The following KAZN variants were observed in gnomAD, a reference collection of about 807,000 sequenced individuals.
KAZN encodes kazrin, periplakin interacting protein.
In KAZN, 40 loss-of-function variants were observed where a neutral mutation model predicts 87.4. The observed-to-expected ratio is 0.46, with a 90% CI of 0.36 to 0.60. The LOEUF (loss-of-function observed/expected upper bound fraction) is 0.60, where lower values mean the gene tolerates loss of function less well. Among genes scored for constraint, KAZN ranks in the 20% least tolerant of loss-of-function variants. The pLI is 0.00. For synonymous variants in KAZN, 466 were observed against 458.3 expected (o/e 1.02, Z -0.22); for missense variants, 898 against 1,073.9 (o/e 0.84, Z 2.29).
Position 14,945,776 on chromosome 1 carries a change from G to A in KAZN, c.227-14908G>A, listed in dbSNP as rs925234204. The A allele has an allele frequency of 1.4e-4, 80 of 571,612 alleles. 1 individual carries two copies. The South Asian group carries it at 3.8e-3, about 27-fold the overall frequency. 35.4% of individuals were successfully genotyped at this position (571,612 alleles called of 1,614,324 possible). On this transcript the variant is annotated intron_variant, in intron 1 of 14. Transcript: ENST00000376030. ...GTTATATGGATTTGTGAGCTGCCCC[G>A]CAGCACTTTCAAGCTCCACGGCCTC...
intron 1 of KAZN, among the ~76,000 whole-genome samples, chr1:13,901,407 G>A (rs746539772): frequency 8.5e-5 from 13 of 152,172 alleles, no homozygotes; most frequent in African/African-American, 2.2e-4. Context: ...GGGAAGAAGC[G>A]GATATTTGGT....
At chr1:14,757,011 GAAATTGTT>G (rs1644587062) in intron 1 of KAZN, among the ~76,000 whole-genome samples, 1 of 152,190 alleles carries the variant, frequency 6.6e-6, no homozygotes, top group Admixed American at 6.5e-5. Flanking sequence ...GCAAGAGGGA[GAAATTGTT>G]GCACATTGTC....
At chr1:14,399,739 C>A (rs899520658) in intron 2 of KAZN, among the ~76,000 whole-genome samples, 2 of 152,128 alleles carry the variant, frequency 1.3e-5, no homozygotes, top group African/African-American at 4.8e-5. Flanking sequence ...GAGATCAAAA[C>A]CCCTACCTGT....
intron 2 of KAZN, among the ~76,000 whole-genome samples, chr1:14,570,945 C>A (rs187975127): frequency 3.9e-5 from 6 of 152,258 alleles, no homozygotes; most frequent in Admixed American, 2.0e-4. Flanking sequence ...GAATCCTTAC[C>A]TACCTACCTG....
chr1:14,027,757 G>T (rs963727675), intron 1 of KAZN, among the ~76,000 whole-genome samples: 2 of 152,164 alleles, frequency 1.3e-5, no homozygotes, highest in African/African-American at 4.8e-5. Context: ...ACAATGACTT[G>T]TGTTTAATGT....
rs139287052 is a variant in KAZN at position 14,741,021 on chromosome 1, G to T, written c.226+141798G>T. On this transcript the variant is annotated intron_variant, in intron 1 of 14. Coordinates refer to ENST00000376030, the MANE Select transcript of KAZN (RefSeq NM_201628.3). ...GTGCTTTGAACATGCTTCTCTGGGG[G>T]TGCAGCCTCCAGGCAGCTGGGGCAG... Among the ~76,000 whole-genome samples the T allele has an allele frequency of 3.5e-3, 532 of 152,276 alleles. 1 individual carries two copies. The highest frequency in any genetic ancestry group is 0.012 in the African/African-American group (509 of 41,550).
intron 1 of KAZN, among the ~76,000 whole-genome samples, chr1:13,908,825 A>G (rs1468750871): frequency 3.9e-5 from 6 of 152,214 alleles, no homozygotes; most frequent in African/African-American, 1.4e-4. Context: ...ATCCACGGTG[A>G]CAAGACCTGT....
intron 1 of KAZN, among the ~76,000 whole-genome samples, chr1:14,825,965 G>A (rs1201177845): frequency 2.0e-5 from 3 of 152,174 alleles, no homozygotes; most frequent in Admixed American, 6.5e-5. Flanking sequence ...CAGTGAACAC[G>A]CTCTGAATTG....
At chr1:13,983,280 G>A (rs1455598558) in intron 1 of KAZN, among the ~76,000 whole-genome samples, 1 of 152,264 alleles carries the variant, frequency 6.6e-6, no homozygotes, top group Non-Finnish European at 1.5e-5. Context: ...CTCAGGCATG[G>A]CGGGCTGCAG....
chr1:14,272,400 G>C (rs1489110898), intron 2 of KAZN, among the ~76,000 whole-genome samples: 4 of 152,186 alleles, frequency 2.6e-5, no homozygotes, highest in Non-Finnish European at 5.9e-5. Flanking sequence ...CATATCCTTT[G>C]AGGACTAGGC....
At chr1:14,135,874 CTA>C (rs1284998049) in intron 1 of KAZN, among the ~76,000 whole-genome samples, 1 of 152,184 alleles carries the variant, frequency 6.6e-6, no homozygotes, top group Non-Finnish European at 1.5e-5. Context: ...GAACTATCCT[CTA>C]TAATTTTGCT....
intron 1 of KAZN, among the ~76,000 whole-genome samples, chr1:14,179,767 A>G (rs1454062427): frequency 6.6e-6 from 1 of 152,232 alleles, no homozygotes; most frequent in Non-Finnish European, 1.5e-5. Flanking sequence ...AGATGACAGT[A>G]AGCAAAGAGA....
At position 14,923,597 on chromosome 1, in the gene KAZN, T is replaced by C. The variant is rs1658795214; in HGVS notation, c.227-37087T>C. ...GGAAACTGAGGCTGGGGAAGTGAGG[T>C]GAAGTCACAGGGCCTCCCACCAGAT... On this transcript the variant is annotated intron_variant, in intron 1 of 14. Coordinates refer to ENST00000376030, the MANE Select transcript of KAZN (RefSeq NM_201628.3). The surrounding 1 kb of genome is among the most constrained non-coding windows in gnomAD (Gnocchi z 4.2). Among the ~76,000 whole-genome samples the C allele has an allele frequency of 6.6e-6, 1 of 152,056 alleles. No individual in the cohort carries two copies. Among genetic ancestry groups the C allele is most frequent in the South Asian group, 2.1e-4 (1 of 4,818 alleles).
At chr1:14,089,368 A>ATCT (rs1643923102) in intron 1 of KAZN, among the ~76,000 whole-genome samples, 1 of 152,000 alleles carries the variant, frequency 6.6e-6, no homozygotes, top group African/African-American at 2.4e-5. Context: ...CATTTATTTT[A>ATCT]TCTTCTTTTC....
chr1:14,060,928 G>A (rs1480451803), intron 1 of KAZN, among the ~76,000 whole-genome samples: 1 of 152,166 alleles, frequency 6.6e-6, no homozygotes, highest in African/African-American at 2.4e-5. Context: ...TGCAGTGGTG[G>A]ATAGTGCCCT....
intron 1 of KAZN, among the ~76,000 whole-genome samples, chr1:14,747,926 C>G (rs1246614584): frequency 6.6e-6 from 1 of 152,210 alleles, no homozygotes; most frequent in Non-Finnish European, 1.5e-5. Context: ...CCAGTGACAA[C>G]ATTTCTGTTT....
intron 2 of KAZN, among the ~76,000 whole-genome samples, chr1:14,332,290 C>T (rs1225344538): frequency 6.6e-6 from 1 of 152,162 alleles, no homozygotes; most frequent in Non-Finnish European, 1.5e-5. Context: ...AGTGTATTCT[C>T]AGTATCTTCT....
chr1:14,631,958 TG>T (rs1269813377), intron 1 of KAZN, among the ~76,000 whole-genome samples: 3 of 152,176 alleles, frequency 2.0e-5, no homozygotes, highest in Non-Finnish European at 4.4e-5. Flanking sequence ...TTATTTTGAT[TG>T]GATTTAGAAG....
At chr1:14,221,512 A>T (rs1408937069) in intron 2 of KAZN, among the ~76,000 whole-genome samples, 2 of 152,108 alleles carry the variant, frequency 1.3e-5, no homozygotes, top group African/African-American at 4.8e-5. Context: ...AATAAGTTGC[A>T]TTAAAACTCC....
Sources: allele counts gnomAD v4.1 joint callset (sites outside exome capture counted in the v4.1 genomes callset), GRCh38; gene constraint gnomAD v4.1.1; non-coding constraint Gnocchi (gnomAD v3.1); transcripts MANE v1.5; gene names NCBI Gene and HGNC (gene_info 2026-07-23, HGNC 2026-07-21).